The following RBFOX1 variants were observed in gnomAD, a reference collection of about 807,000 sequenced individuals.
The protein encoded by RBFOX1 is RNA binding fox-1 homolog 1.
Under a neutral mutation model 57.7 loss-of-function variants are expected in RBFOX1, and 8 were observed. The ratio of observed to expected loss-of-function variants is 0.14; its 90% CI spans 0.08 to 0.25. RBFOX1 has a LOEUF of 0.25. Ranked by LOEUF, RBFOX1 falls within the 10% of genes least tolerant of loss-of-function variation. The pLI, the probability that RBFOX1 is intolerant of heterozygous loss-of-function variation, is 1.00. For synonymous variants in RBFOX1, 326 were observed against 222.4 expected (o/e 1.47, Z -4.15); for missense variants, 611 against 548.5 (o/e 1.11, Z -1.14).
chr16:7,093,767 C>G (rs1450882023), intron 4 of RBFOX1, among the ~76,000 whole-genome samples: 1 of 152,046 alleles, frequency 6.6e-6, no homozygotes, highest in Non-Finnish European at 1.5e-5. Flanking sequence ...GTAAATTGAT[C>G]AGTACTTTTT....
intron 3 of RBFOX1, among the ~76,000 whole-genome samples, chr16:6,764,564 C>T (rs1265071987): frequency 6.6e-6 from 1 of 152,084 alleles, no homozygotes; most frequent in Non-Finnish European, 1.5e-5. Flanking sequence ...GTTTCTGTCC[C>T]CATGGGACTT....
chr16:5,767,728 C>A (rs746313897), intron 3 of RBFOX1, among the ~76,000 whole-genome samples: 34 of 152,132 alleles, frequency 2.2e-4, no homozygotes, highest in African/African-American at 7.7e-4. Context: ...ACAGGGGAAT[C>A]CTGTTTGCTG....
intron 4 of RBFOX1, among the ~76,000 whole-genome samples, chr16:5,943,643 T>A (rs1483903260): frequency 6.6e-6 from 1 of 152,166 alleles, no homozygotes; most frequent in Non-Finnish European, 1.5e-5. Context: ...GATTTATCTG[T>A]GAAATGGAGC....
intron 1 of RBFOX1, among the ~76,000 whole-genome samples, chr16:6,159,749 C>T (rs967564606): frequency 1.3e-5 from 2 of 152,134 alleles, no homozygotes; most frequent in South Asian, 2.1e-4. Flanking sequence ...TTAAAGATTT[C>T]GCAGGGATGT....
rs1027807328 is a variant in RBFOX1 at position 6,185,402 on chromosome 16, T to C, written c.-126-131593T>C. 2.0e-5 allele frequency among the ~76,000 whole-genome samples: 3 copies of C among 152,284 alleles called. No individual in the cohort carries two copies. In the South Asian group the frequency reaches 6.2e-4, roughly 32 times the overall value. On this transcript the variant is annotated intron_variant, in intron 1 of 15. Coordinates refer to ENST00000550418, the MANE Select transcript of RBFOX1 (RefSeq NM_018723.4). The stretch of plus-strand genomic sequence containing the variant: ...GTTTCAAGGCGTTCAATACCGACAA[T>C]AAGCTGATTATCTCCATTTTACAAT...
intron 3 of RBFOX1, among the ~76,000 whole-genome samples, chr16:5,758,982 C>T (rs1191491845): frequency 6.6e-6 from 1 of 152,154 alleles, no homozygotes; most frequent in Non-Finnish European, 1.5e-5. Flanking sequence ...TGGGAAGACA[C>T]CATTTGCAGT....
At chr16:6,955,277 C>T (rs1416625509) in intron 3 of RBFOX1, among the ~76,000 whole-genome samples, 1 of 151,930 alleles carries the variant, frequency 6.6e-6, no homozygotes, top group Non-Finnish European at 1.5e-5. Flanking sequence ...TAATCTAGAA[C>T]TCCCTAGCGT....
At chr16:7,679,359 CAGTA>C (rs775170904) in intron 14 of RBFOX1, among the ~76,000 whole-genome samples, 11 of 152,134 alleles carry the variant, frequency 7.2e-5, no homozygotes, top group Non-Finnish European at 1.3e-4. Context: ...AGCATAGAAT[CAGTA>C]AGTGATGGAA....
At chr16:6,645,828 C>T (rs1328813684) in intron 2 of RBFOX1, among the ~76,000 whole-genome samples, 2 of 152,098 alleles carry the variant, frequency 1.3e-5, no homozygotes, top group African/African-American at 4.8e-5. Flanking sequence ...ACGAGGCAAC[C>T]ATGATTGTTA....
intron 4 of RBFOX1, among the ~76,000 whole-genome samples, chr16:7,472,966 C>CATAGGCTATGCCTTTT (rs141315324): frequency 0.4 from 61,482 of 151,972 alleles, 12,971 homozygotes; most frequent in Non-Finnish European, 0.48. Flanking sequence ...CTATGCCTTT[C>CATAGGCTATGCCTTTT]ATAGGCTGTG....
chr16:7,649,215 A>G (rs1339113659), intron 11 of RBFOX1, among the ~76,000 whole-genome samples: 2 of 152,186 alleles, frequency 1.3e-5, no homozygotes, highest in African/African-American at 4.8e-5. Flanking sequence ...TTTATATAGG[A>G]TAAAAAAAAA....
At chr16:7,051,245 C>A (rs763696670) in intron 3 of RBFOX1, among the ~76,000 whole-genome samples, 1 of 152,162 alleles carries the variant, frequency 6.6e-6, no homozygotes, top group African/African-American at 2.4e-5. Context: ...GACCATATAT[C>A]TCAAAATTCC....
intron 4 of RBFOX1, among the ~76,000 whole-genome samples, chr16:7,067,164 G>T (rs1421005794): frequency 1.3e-5 from 2 of 152,140 alleles, no homozygotes; most frequent in African/African-American, 4.8e-5. Context: ...AACTGAACAG[G>T]TGATCCTTTC....
intron 3 of RBFOX1, among the ~76,000 whole-genome samples, chr16:5,814,435 A>G (rs946694870): frequency 1.3e-5 from 2 of 152,212 alleles, no homozygotes; most frequent in East Asian, 1.9e-4. Flanking sequence ...AGCAGCGACA[A>G]TAATAACAAT....
intron 2 of RBFOX1, among the ~76,000 whole-genome samples, chr16:5,558,580 T>C (rs993785947): frequency 1.8e-4 from 27 of 152,230 alleles, no homozygotes; most frequent in African/African-American, 6.3e-4. Context: ...ATAATCTGAA[T>C]TGGTCCCTTT....
intron 4 of RBFOX1, among the ~76,000 whole-genome samples, chr16:7,425,443 G>A (rs969414918): frequency 5.9e-5 from 9 of 152,104 alleles, no homozygotes; most frequent in African/African-American, 1.7e-4. Flanking sequence ...TCCTACTTGA[G>A]AAATTTCAAA....
chr16:7,336,973 C>A (rs1167286738), intron 4 of RBFOX1, among the ~76,000 whole-genome samples: 1 of 151,996 alleles, frequency 6.6e-6, no homozygotes, highest in Non-Finnish European at 1.5e-5. Context: ...TGTCCTAGAC[C>A]CTGCTGAGGG....
chr16:5,856,603 A>ATATATATG (rs1403852528), intron 3 of RBFOX1, among the ~76,000 whole-genome samples: 1 of 110,678 alleles, frequency 9.0e-6, no homozygotes, highest in African/African-American at 3.2e-5. Flanking sequence ...ATATATATAT[A>ATATATATG]TAATCTTAGC....
intron 1 of RBFOX1, among the ~76,000 whole-genome samples, chr16:6,143,656 T>C (rs1229840780): frequency 6.6e-6 from 1 of 152,192 alleles, no homozygotes; most frequent in Non-Finnish European, 1.5e-5. Flanking sequence ...TGAACAATTG[T>C]TAAGCAGTTT....
Sources: gnomAD v4.1 joint callset for allele counts (sites outside exome capture counted in the v4.1 genomes callset) on GRCh38, gnomAD v4.1.1 for gene constraint, MANE v1.5 for transcripts, NCBI Gene and HGNC (gene_info 2026-07-23, HGNC 2026-07-21) for gene names.